Variants in ZRANB3 observed in about 807,000 individuals in gnomAD.
ZRANB3 encodes zinc finger RANBP2-type containing 3.
Under a neutral mutation model 133.8 loss-of-function variants are expected in ZRANB3, and 125 were observed. That is an observed-to-expected ratio of 0.93 (90% CI 0.81 to 1.08). ZRANB3 has a LOEUF of 1.08. Ranked by LOEUF, ZRANB3 falls within the 50% of genes least tolerant of loss-of-function variation. ZRANB3 has a pLI of 0.00. For missense variants in ZRANB3, 1,229 were observed against 1,275.5 expected, an observed-to-expected ratio of 0.96 and a Z score of 0.56; for synonymous variants, 387 against 432.7, an observed-to-expected ratio of 0.89 and a Z score of 1.31.
intron 1 of ZRANB3, among the ~76,000 whole-genome samples, chr2:135,506,120 G>A (rs1693174936): frequency 6.6e-6 from 1 of 152,188 alleles, no homozygotes; most frequent in Admixed American, 6.5e-5. Flanking sequence ...ACCAGACACA[G>A]CAGTTCATGC....
intron 2 of ZRANB3, among the ~76,000 whole-genome samples, chr2:135,447,198 C>G (rs1427775823): frequency 6.6e-6 from 1 of 152,082 alleles, no homozygotes; most frequent in Non-Finnish European, 1.5e-5. Flanking sequence ...GCCACCAAAC[C>G]TAGCTAATTT....
rs754261119 is a variant in ZRANB3 at position 135,230,946 on chromosome 2, A to G, written c.1540-19T>C. On this transcript the variant is annotated intron_variant, in intron 12 of 20. Coordinates refer to ENST00000264159, the MANE Select transcript of ZRANB3 (RefSeq NM_032143.4). ...TTTCGAACTAGGAAAAGCAAACAGT[A>G]GTTATCAAAGTAAGAAGCAATCTAA... The G allele has an allele frequency of 1.3e-6, 2 of 1,521,296 alleles. No individual in the cohort carries two copies. The highest frequency in any genetic ancestry group is 1.8e-6 in the Non-Finnish European group (2 of 1,138,696). The allele number at this position is 1,521,296 out of a possible 1,614,324, so 94.2% of individuals were successfully genotyped here. A position where few individuals can be genotyped will look rare whatever the true frequency, so the allele number is the denominator to read the frequency against.
In ZRANB3 at chr2:135,296,385, G is replaced by A. The variant is rs548089637; in HGVS notation, c.966+17104C>T. 7.9e-5 allele frequency among the ~76,000 whole-genome samples: 12 copies of A among 152,206 alleles called. No homozygotes were observed. In the South Asian group the frequency reaches 2.5e-3, roughly 32 times the overall value. On this transcript the variant is annotated intron_variant, in intron 8 of 20. Transcript: ENST00000264159. Reference sequence around the variant, plus strand: ...TTGATCGCATCGGCTACTGAGGCTTGTGCCTTCGTCATGCAGCTCTCGTGC... The same window carrying A: ...TTGATCGCATCGGCTACTGAGGCTTATGCCTTCGTCATGCAGCTCTCGTGC...
At chr2:135,298,543 A>C (rs1326929739) in intron 8 of ZRANB3, among the ~76,000 whole-genome samples, 1 of 152,024 alleles carries the variant, frequency 6.6e-6, no homozygotes, top group Non-Finnish European at 1.5e-5. Flanking sequence ...CCCTTCCCCT[A>C]AAGATGGGCC....
chr2:135,464,003 T>C (rs1440670805), intron 2 of ZRANB3, among the ~76,000 whole-genome samples: 1 of 152,076 alleles, frequency 6.6e-6, no homozygotes, highest in Non-Finnish European at 1.5e-5. Flanking sequence ...TATGTACTAC[T>C]CTCCTAATTT....
intron 2 of ZRANB3, among the ~76,000 whole-genome samples, chr2:135,477,945 T>C (rs1372603522): frequency 6.6e-6 from 1 of 151,962 alleles, no homozygotes; most frequent in Non-Finnish European, 1.5e-5. Context: ...GCCATGATCA[T>C]GCCACCACAC....
At chr2:135,457,580 C>T (rs1012155932) in intron 2 of ZRANB3, among the ~76,000 whole-genome samples, 1 of 152,010 alleles carries the variant, frequency 6.6e-6, no homozygotes, top group African/African-American at 2.4e-5. Context: ...AATGTCTATT[C>T]ATATTTTTTG....
intron 15 of ZRANB3, among the ~76,000 whole-genome samples, chr2:135,223,694 C>T (rs1694643623): frequency 6.6e-6 from 1 of 152,086 alleles, no homozygotes; most frequent in African/African-American, 2.4e-5. Flanking sequence ...AGATATAACC[C>T]ATACAAACAA....
intron 15 of ZRANB3, 110 bp from the exon 16 acceptor site, chr2:135,219,288 A>G (rs1159138193): frequency 2.8e-6 from 2 of 705,306 alleles, no homozygotes; most frequent in Non-Finnish European, 4.4e-6. Context: ...CTCCTAAAAG[A>G]AAAACTGAGG....
Position 135,246,359 on chromosome 2 carries a change from C to T in ZRANB3, c.1540-15432G>A, listed in dbSNP as rs79829391. ...TCAAATAAAAATATGCTTCTAATGA[C>T]TTTTCTGTTGTCTTTTTTTGTTAAT... On this transcript the variant is annotated intron_variant, in intron 12 of 20. Transcript: ENST00000264159. Among the ~76,000 whole-genome samples, 779 of 152,206 alleles carry T rather than the reference C, an allele frequency of 5.1e-3. 30 individuals are homozygous for T. In the East Asian group the frequency reaches 0.073, roughly 14 times the overall value.
chr2:135,515,885 ATC>A (rs1693675657), intron 1 of ZRANB3, among the ~76,000 whole-genome samples: 1 of 152,122 alleles, frequency 6.6e-6, no homozygotes, highest in African/African-American at 2.4e-5. Flanking sequence ...GGGGCATTAA[ATC>A]TCCTACTATT....
chr2:135,408,478 T>C (rs1688148022), intron 2 of ZRANB3, among the ~76,000 whole-genome samples: 1 of 149,512 alleles, frequency 6.7e-6, no homozygotes. Context: ...TTACTGGGTA[T>C]ATACCCAAAG....
At chr2:135,413,360 C>T (rs1558982503) in intron 2 of ZRANB3, among the ~76,000 whole-genome samples, 1 of 152,162 alleles carries the variant, frequency 6.6e-6, no homozygotes, top group African/African-American at 2.4e-5. Flanking sequence ...TATTGTACAA[C>T]ATCCTAATTC....
intron 3 of ZRANB3, among the ~76,000 whole-genome samples, chr2:135,388,780 G>A (rs983504895): frequency 1.3e-5 from 2 of 152,038 alleles, no homozygotes; most frequent in African/African-American, 4.8e-5. Context: ...GCCATTTAGA[G>A]CTCATCCTGT....
rs185202962 is a variant in ZRANB3 at position 135,386,323 on chromosome 2, A to T, written c.180+4479T>A. Among the ~76,000 whole-genome samples, 397 of 152,330 alleles carry T rather than the reference A, an allele frequency of 2.6e-3. 1 individual carries two copies. Among genetic ancestry groups the T allele is most frequent in the African/African-American group, 8.9e-3 (369 of 41,572 alleles). On this transcript the variant is annotated intron_variant, in intron 3 of 20. Coordinates refer to ENST00000264159, the MANE Select transcript of ZRANB3 (RefSeq NM_032143.4). ...TCTCACGCCAGTTAGAATGGAGATC[A>T]TTAAAAAGTCAGGAAACAACACATG...
At chr2:135,480,360 G>A (rs1374620095) in intron 2 of ZRANB3, among the ~76,000 whole-genome samples, 1 of 151,998 alleles carries the variant, frequency 6.6e-6, no homozygotes, top group African/African-American at 2.4e-5. Context: ...GGTATTTTTT[G>A]AAGAAAATGT....
Position 135,200,055 on chromosome 2 carries a change from AT to A in ZRANB3, c.*286del. The A allele has an allele frequency of 2.2e-6, 1 of 453,288 alleles. No homozygotes were observed. Among genetic ancestry groups the A allele is most frequent in the Non-Finnish European group, 4.1e-6 (1 of 245,720 alleles). The allele number at this position is 453,288 out of a possible 1,614,324, so 28.1% of individuals were successfully genotyped here. On this transcript the variant is annotated 3_prime_UTR_variant, in exon 21 of 21. Transcript: ENST00000264159. Reference sequence around the variant, plus strand: ...AACACAATCTATGCACAATACAGTGATTAGGCATATTAGGGGTAAAGAGCTT... The same window carrying A: ...AACACAATCTATGCACAATACAGTGATAGGCATATTAGGGGTAAAGAGCTT...
At chr2:135,401,972 T>C (rs1332692659) in intron 2 of ZRANB3, among the ~76,000 whole-genome samples, 2 of 152,182 alleles carry the variant, frequency 1.3e-5, no homozygotes, top group Non-Finnish European at 2.9e-5. Flanking sequence ...CATATTAAAT[T>C]AATACTGTTA....
At chr2:135,203,180 C>T (rs948146327) in intron 19 of ZRANB3, among the ~76,000 whole-genome samples, 3 of 151,976 alleles carry the variant, frequency 2.0e-5, no homozygotes, top group Non-Finnish European at 4.4e-5. Flanking sequence ...TCTCCCTTAA[C>T]CTAACTCATT....
Sources: gnomAD v4.1 joint callset for allele counts (sites outside exome capture counted in the v4.1 genomes callset) on GRCh38, gnomAD v4.1.1 for gene constraint, MANE v1.5 for transcripts, NCBI Gene and HGNC (gene_info 2026-07-23, HGNC 2026-07-21) for gene names.